Variants in ZNF536 observed in about 807,000 individuals in gnomAD.
ZNF536 encodes zinc finger protein 536.
A neutral mutation model predicts 84.5 loss-of-function variants in ZNF536; 13 were observed. That is an observed-to-expected ratio of 0.15 (90% CI 0.10 to 0.24). ZNF536 has a LOEUF of 0.24. Among genes scored for constraint, ZNF536 ranks in the 10% least tolerant of loss-of-function variants. The pLI, the probability that ZNF536 is intolerant of heterozygous loss-of-function variation, is 1.00. For missense variants in ZNF536, 1,536 were observed against 1,747.5 expected (o/e 0.88, Z 2.16); for synonymous variants, 811 against 742.5 (o/e 1.09, Z -1.50).
At chr19:30,638,837 C>A (rs1035634060) in intron 1 of ZNF536, among the ~76,000 whole-genome samples, 6 of 152,194 alleles carry the variant, frequency 3.9e-5, no homozygotes, top group Admixed American at 6.5e-5. Flanking sequence ...CTGTATTATG[C>A]AAATGGAATC....
chr19:30,571,314 C>T (rs2046537525), intron 1 of ZNF536, among the ~76,000 whole-genome samples: 1 of 152,052 alleles, frequency 6.6e-6, no homozygotes, highest in Non-Finnish European at 1.5e-5. Flanking sequence ...GGCCAAAAGG[C>T]AGAGGATGGC....
intron 1 of ZNF536, among the ~76,000 whole-genome samples, chr19:30,244,283 C>A (rs61461684): frequency 0.18 from 27,309 of 151,744 alleles, 3,042 homozygotes; most frequent in African/African-American, 0.32. Context: ...TTCATAGAGT[C>A]TTTAAGAACG....
chr19:30,383,153 G>T (rs574403265), intron 1 of ZNF536, among the ~76,000 whole-genome samples: 1 of 152,236 alleles, frequency 6.6e-6, no homozygotes, highest in African/African-American at 2.4e-5. Flanking sequence ...AGCTGGGCAT[G>T]GTGCTGGGCA....
At chr19:30,655,965 G>A (rs1044322453) in intron 1 of ZNF536, among the ~76,000 whole-genome samples, 2 of 152,138 alleles carry the variant, frequency 1.3e-5, no homozygotes, top group Admixed American at 1.3e-4. Context: ...CTTGAGCCCA[G>A]GAGTTTGAGG....
intron 1 of ZNF536, among the ~76,000 whole-genome samples, chr19:30,667,762 A>G (rs2050390710): frequency 6.6e-6 from 1 of 151,954 alleles, no homozygotes; most frequent in Non-Finnish European, 1.5e-5. Context: ...AACAGCTCCC[A>G]GCCTATTTAC....
chr19:30,453,323 T>C (rs993229806), intron 2 of ZNF536, among the ~76,000 whole-genome samples: 14 of 152,168 alleles, frequency 9.2e-5, no homozygotes, highest in African/African-American at 3.4e-4. Context: ...TCGGGGTGCA[T>C]GTGGGCTCTT....
chr19:30,572,428 G>A (rs778882077), intron 1 of ZNF536, among the ~76,000 whole-genome samples: 19 of 152,132 alleles, frequency 1.2e-4, no homozygotes, highest in Non-Finnish European at 2.2e-4. Flanking sequence ...CTGTGTGGAC[G>A]GCCATTCTGG....
chr19:30,501,712 A>G (rs2054955834), intron 2 of ZNF536, among the ~76,000 whole-genome samples: 1 of 152,164 alleles, frequency 6.6e-6, no homozygotes, highest in South Asian at 2.1e-4. Flanking sequence ...TGCAATAATT[A>G]TTTATCTTGC....
At chr19:30,246,536 TC>T (rs1320860913) in intron 1 of ZNF536, among the ~76,000 whole-genome samples, 3 of 152,198 alleles carry the variant, frequency 2.0e-5, no homozygotes, top group African/African-American at 7.2e-5. Context: ...TTCTTTTTCT[TC>T]CCATAGTGTG....
intron 2 of ZNF536, among the ~76,000 whole-genome samples, chr19:30,465,732 ATTATTTTATTTTATTTT>A (rs1271459992): frequency 1.3e-5 from 2 of 151,982 alleles, no homozygotes; most frequent in African/African-American, 4.8e-5. Flanking sequence ...GTCTATAAAA[ATTATTTTATTTTATTTT>A]ATTATTTTAT....
chr19:30,303,424 G>A (rs776589275), intron 2 of ZNF536, among the ~76,000 whole-genome samples: 1 of 152,212 alleles, frequency 6.6e-6, no homozygotes, highest in Non-Finnish European at 1.5e-5. Context: ...TGATCAGCTA[G>A]GTTCCTAGCT....
chr19:30,709,991 A>G (rs1286778111), intron 1 of ZNF536, among the ~76,000 whole-genome samples: 1 of 152,216 alleles, frequency 6.6e-6, no homozygotes, highest in Non-Finnish European at 1.5e-5. Context: ...AAAAACTCAA[A>G]TGAGAATAAT....
intron 2 of ZNF536, among the ~76,000 whole-genome samples, chr19:30,334,787 C>A (rs1247982352): frequency 6.6e-6 from 1 of 152,144 alleles, no homozygotes; most frequent in Non-Finnish European, 1.5e-5. Context: ...ACAATTTTTT[C>A]ATGGATGGAG....
At chr19:30,348,731 A>T (rs1445720804) in intron 2 of ZNF536, among the ~76,000 whole-genome samples, 1 of 152,138 alleles carries the variant, frequency 6.6e-6, no homozygotes, top group Non-Finnish European at 1.5e-5. Context: ...AGGCAATACA[A>T]AAGTACCAAG....
intron 2 of ZNF536, among the ~76,000 whole-genome samples, chr19:30,476,832 C>G (rs1000160975): frequency 6.6e-6 from 1 of 152,224 alleles, no homozygotes; most frequent in South Asian, 2.1e-4. Flanking sequence ...CTGGGCCTGC[C>G]TGCCTCTTGG....
chr19:30,459,571 G>C (rs900096865), intron 2 of ZNF536, among the ~76,000 whole-genome samples: 7 of 151,946 alleles, frequency 4.6e-5, no homozygotes, highest in Non-Finnish European at 1.0e-4. Flanking sequence ...GGCTGGTCTC[G>C]AACTCCTGAC....
chr19:30,697,596 T>C (rs2051716304), intron 1 of ZNF536, among the ~76,000 whole-genome samples: 1 of 152,160 alleles, frequency 6.6e-6, no homozygotes, highest in South Asian at 2.1e-4. Context: ...AACTGAGACT[T>C]AGAAAGGTTA....
At chr19:30,517,528 G>A (rs549182890) in intron 2 of ZNF536, among the ~76,000 whole-genome samples, 1 of 152,264 alleles carries the variant, frequency 6.6e-6, no homozygotes, top group South Asian at 2.1e-4. Flanking sequence ...AGGAGAAGCT[G>A]GAAATGCTGA....
chr19:30,618,957 T>G (rs1044340572), intron 1 of ZNF536, among the ~76,000 whole-genome samples: 2 of 152,170 alleles, frequency 1.3e-5, no homozygotes, highest in Non-Finnish European at 2.9e-5. Flanking sequence ...TTTGTATAAA[T>G]TCTTTTTGTA....
Sources: allele counts gnomAD v4.1 joint callset (sites outside exome capture counted in the v4.1 genomes callset), GRCh38; gene constraint gnomAD v4.1.1; transcripts MANE v1.5; gene names NCBI Gene and HGNC (gene_info 2026-07-23, HGNC 2026-07-21).